ST8SIA1: variants seen among roughly 807,000 people sequenced by gnomAD.
ST8SIA1 encodes the protein alpha-N-acetylneuraminide alpha-2,8-sialyltransferase.
A neutral mutation model predicts 35.9 loss-of-function variants in ST8SIA1; 16 were observed. The ratio of observed to expected loss-of-function variants is 0.45; its 90% CI spans 0.30 to 0.68. The LOEUF (loss-of-function observed/expected upper bound fraction) is 0.68. Ranked by LOEUF, ST8SIA1 falls within the 30% of genes least tolerant of loss-of-function variation. ST8SIA1 has a pLI of 0.09. For missense variants in ST8SIA1, 383 were observed against 453.6 expected, an observed-to-expected ratio of 0.84 and a Z score of 1.41; for synonymous variants, 170 against 169.6, an observed-to-expected ratio of 1.00 and a Z score of -0.02.
At chr12:22,305,992 T>C (rs1866379008) in intron 1 of ST8SIA1, among the ~76,000 whole-genome samples, 1 of 152,178 alleles carries the variant, frequency 6.6e-6, no homozygotes, top group Non-Finnish European at 1.5e-5. Context: ...AAAACTAAAC[T>C]ATAAACTAAG....
At chr12:22,323,100 A>C (rs982795954) in intron 1 of ST8SIA1, among the ~76,000 whole-genome samples, 2 of 152,198 alleles carry the variant, frequency 1.3e-5, no homozygotes, top group African/African-American at 4.8e-5. Flanking sequence ...ACCATGAAAA[A>C]TAAAAGCACG....
At chr12:22,289,222 C>G (rs1227481851) in intron 1 of ST8SIA1, among the ~76,000 whole-genome samples, 1 of 151,986 alleles carries the variant, frequency 6.6e-6, no homozygotes, top group Non-Finnish European at 1.5e-5. Context: ...AGTTCCTATC[C>G]CATGTCTGCT....
intron 2 of ST8SIA1, among the ~76,000 whole-genome samples, chr12:22,267,830 AG>A (rs1865865350): frequency 6.6e-6 from 1 of 152,206 alleles, no homozygotes; most frequent in Non-Finnish European, 1.5e-5. Flanking sequence ...TCACATGCAC[AG>A]TGATGTTTGT....
At chr12:22,303,916 G>A (rs537205302) in intron 1 of ST8SIA1, among the ~76,000 whole-genome samples, 19 of 146,500 alleles carry the variant, frequency 1.3e-4, no homozygotes, top group African/African-American at 3.3e-4. Flanking sequence ...GGAGAAAAAC[G>A]AACAGCAAAA....
intron 3 of ST8SIA1, among the ~76,000 whole-genome samples, chr12:22,249,319 C>T (rs528604648): frequency 2.8e-4 from 42 of 151,174 alleles, no homozygotes; most frequent in South Asian, 2.5e-3. Flanking sequence ...GCCGGGTTCA[C>T]GCCATTCTCC....
At chr12:22,214,286 T>C (rs1381848608) in intron 4 of ST8SIA1, among the ~76,000 whole-genome samples, 2 of 151,992 alleles carry the variant, frequency 1.3e-5, no homozygotes, top group East Asian at 1.9e-4. Context: ...AGACAGAAAG[T>C]GGTCTGTGGG....
At chr12:22,289,907 C>G (rs1214199923) in intron 1 of ST8SIA1, among the ~76,000 whole-genome samples, 1 of 152,218 alleles carries the variant, frequency 6.6e-6, no homozygotes. Flanking sequence ...GACAGTGAAA[C>G]TGACGCTGAG....
intron 4 of ST8SIA1, among the ~76,000 whole-genome samples, chr12:22,208,374 T>A (rs992944805): frequency 1.3e-5 from 2 of 152,080 alleles, no homozygotes; most frequent in African/African-American, 4.8e-5. Flanking sequence ...GAAAAAAATA[T>A]TTATTGGAAC....
rs1176519274 is a variant in ST8SIA1 at position 22,205,992 on chromosome 12, G to C, written c.585-3954C>G. On this transcript the variant is annotated intron_variant, in intron 4 of 4. Coordinates refer to ENST00000396037, the MANE Select transcript of ST8SIA1 (RefSeq NM_003034.4). ...TAGAGTCTGAATATATGGATACATT[G>C]ATATGAAAATGGACAATTAATCTTG... Among the ~76,000 whole-genome samples, 7 of 152,178 alleles carry C rather than the reference G, an allele frequency of 4.6e-5. No individual in the cohort carries two copies. The East Asian group carries it at 1.4e-3, about 29-fold the overall frequency.
chr12:22,268,822 CA>C (rs1430756047), intron 2 of ST8SIA1, among the ~76,000 whole-genome samples: 3 of 151,974 alleles, frequency 2.0e-5, no homozygotes, highest in Admixed American at 1.3e-4. Context: ...ACAGCCAAAC[CA>C]AAACCATATC....
At chr12:22,255,791 A>G (rs1407169263) in intron 2 of ST8SIA1, among the ~76,000 whole-genome samples, 1 of 152,200 alleles carries the variant, frequency 6.6e-6, no homozygotes, top group Non-Finnish European at 1.5e-5. Context: ...CATTCATACA[A>G]TCAGCCATTC....
At chr12:22,242,702 C>A (rs994103111) in intron 4 of ST8SIA1, among the ~76,000 whole-genome samples, 6 of 152,068 alleles carry the variant, frequency 3.9e-5, no homozygotes, top group African/African-American at 1.4e-4. Flanking sequence ...GTTTTAAGAA[C>A]AAGGGCTACA....
chr12:22,277,851 C>T (rs1422925462), intron 2 of ST8SIA1, among the ~76,000 whole-genome samples: 1 of 151,846 alleles, frequency 6.6e-6, no homozygotes, highest in South Asian at 2.1e-4. Flanking sequence ...ACTGAGTAGA[C>T]GATAGTGTCA....
At chr12:22,261,405 A>C (rs1234108161) in intron 2 of ST8SIA1, among the ~76,000 whole-genome samples, 3 of 152,204 alleles carry the variant, frequency 2.0e-5, no homozygotes, top group Non-Finnish European at 4.4e-5. Flanking sequence ...CTGGGATTAC[A>C]GGCGTGAGCC....
At chr12:22,257,714 G>A (rs1442869340) in intron 2 of ST8SIA1, among the ~76,000 whole-genome samples, 2 of 151,950 alleles carry the variant, frequency 1.3e-5, no homozygotes. Flanking sequence ...GAAGAAGCGA[G>A]GCAGAAGAGG....
At chr12:22,237,745 A>G (rs1047782454) in intron 4 of ST8SIA1, among the ~76,000 whole-genome samples, 1 of 151,818 alleles carries the variant, frequency 6.6e-6, no homozygotes, top group Admixed American at 6.6e-5. Context: ...TGTGTACAGT[A>G]GAGTTTTTTC....
intron 3 of ST8SIA1, among the ~76,000 whole-genome samples, chr12:22,249,512 A>G (rs551434549): frequency 5.8e-4 from 88 of 151,968 alleles, no homozygotes; most frequent in East Asian, 5.6e-3. Context: ...GAGCCACTGC[A>G]CCCAGCCAGT....
intron 4 of ST8SIA1, among the ~76,000 whole-genome samples, chr12:22,208,357 A>G (rs936728066): frequency 7.2e-5 from 11 of 152,098 alleles, no homozygotes; most frequent in African/African-American, 2.7e-4. Context: ...ATACAAAATA[A>G]TCAACTGAAA....
intron 4 of ST8SIA1, among the ~76,000 whole-genome samples, chr12:22,226,615 T>C (rs2120676177): frequency 6.6e-6 from 1 of 152,136 alleles, no homozygotes; most frequent in African/African-American, 2.4e-5. Flanking sequence ...TTCCTTCATC[T>C]TTTTTTTCTC....
Sources: gnomAD v4.1 joint callset for allele counts (sites outside exome capture counted in the v4.1 genomes callset) on GRCh38, gnomAD v4.1.1 for gene constraint, MANE v1.5 for transcripts, NCBI Gene and HGNC (gene_info 2026-07-23, HGNC 2026-07-21) for gene names.